Variants in MICALL1 observed in about 807,000 individuals in gnomAD.
MICALL1 encodes MICAL like 1.
A neutral mutation model predicts 83.7 loss-of-function variants in MICALL1; 61 were observed. The observed-to-expected ratio is 0.73, with a 90% CI of 0.59 to 0.90. The LOEUF is 0.90. MICALL1 is among the 40% of genes least tolerant of loss of function. MICALL1 has a pLI of 0.00. For synonymous variants in MICALL1, 481 were observed against 473.6 expected (o/e 1.02, Z -0.20); for missense variants, 1,066 against 1,152.0 (o/e 0.93, Z 1.08).
At position 37,927,805 on chromosome 22, in the gene MICALL1, G is replaced by A. The variant is rs757437220; in HGVS notation, c.1860G>A (p.Ser620=). ...DRSPVPSPGS[S]SPQLQVKSSC... is the part of the protein sequence containing the mutation. ...GCCCGGTGCCTTCCCCTGGAAGCTC[G>A]TCCCCACAGCTGCAGGTAAAGGTGA... is the stretch of plus-strand genomic sequence containing the variant. Residue 620 remains serine, a synonymous_variant, in exon 9 of 16, where the codon TCG becomes TCA. Coordinates refer to ENST00000215957, the MANE Select transcript of MICALL1 (RefSeq NM_033386.4). The A allele has an allele frequency of 7.5e-5, 121 of 1,609,430 alleles. No individual in the cohort carries two copies. In the South Asian group the frequency reaches 9.1e-4, roughly 12 times the overall value.
intron 15 of MICALL1, 53 bp from the exon 16 acceptor site, chr22:37,940,656 T>G: frequency 6.2e-7 from 1 of 1,604,378 alleles, no homozygotes. Context: ...TAGCCTGCCC[T>G]GGATGTACCC....
chr22:37,910,479 C>T (rs1928248246), intron 1 of MICALL1, among the ~76,000 whole-genome samples: 1 of 152,064 alleles, frequency 6.6e-6, no homozygotes, highest in Non-Finnish European at 1.5e-5. Context: ...GACCGGGAGA[C>T]AGAGGTTTCG....
At chr22:37,920,182 G>T (rs749697644) in intron 5 of MICALL1, among the ~76,000 whole-genome samples, 2 of 151,910 alleles carry the variant, frequency 1.3e-5, no homozygotes, top group Non-Finnish European at 2.9e-5. Flanking sequence ...TCCAAGGGAA[G>T]CCAGATTTTA....
chr22:37,936,891 C>CAA (rs1007404284), intron 13 of MICALL1, among the ~76,000 whole-genome samples, 189 bp from the exon 14 acceptor site: 2 of 119,598 alleles, frequency 1.7e-5, no homozygotes, highest in East Asian at 2.4e-4. Context: ...GACTCCGTCT[C>CAA]AAAAAAAAAA....
At chr22:37,937,984 G>C (rs1042935473) in intron 15 of MICALL1, among the ~76,000 whole-genome samples, 192 bp downstream of exon 15, 10 of 152,204 alleles carry the variant, frequency 6.6e-5, no homozygotes, top group Non-Finnish European at 1.0e-4. Flanking sequence ...GAAGGCTGTG[G>C]CTTAGGCTTG....
Position 37,924,736 on chromosome 22 carries a change from G to C in MICALL1, c.1082+19G>C, listed in dbSNP as rs1445494571. On this transcript the variant is annotated intron_variant, in intron 7 of 15. Transcript: ENST00000215957. The surrounding 1 kb of genome is among the most constrained non-coding windows in gnomAD (Gnocchi z 5.2). ...CCGAGGGGTATGTCGATCCCTGAGGGGCTTTCCTGCTTTGGAGGTCCTGGT... is the reference window on the plus strand; with the variant it reads ...CCGAGGGGTATGTCGATCCCTGAGGCGCTTTCCTGCTTTGGAGGTCCTGGT... 3 of 1,610,208 alleles carry C rather than the reference G, an allele frequency of 1.9e-6. No individual in the cohort carries two copies. The highest frequency in any genetic ancestry group is 3.4e-5 in the Admixed American group (2 of 59,578).
chr22:37,939,848 G>GGAGGC (rs1473453340), intron 15 of MICALL1, among the ~76,000 whole-genome samples: 1 of 151,450 alleles, frequency 6.6e-6, no homozygotes, highest in African/African-American at 2.4e-5. Context: ...CAGCACTTTA[G>GGAGGC]GAGGCTGAGG....
chr22:37,916,741 C>T (rs1285617157), intron 3 of MICALL1, among the ~76,000 whole-genome samples: 2 of 152,148 alleles, frequency 1.3e-5, no homozygotes, highest in Non-Finnish European at 2.9e-5. Flanking sequence ...AGCCGAGTGG[C>T]TGTGGGAAAT....
chr22:37,923,490 A>T (rs1467268376), intron 6 of MICALL1, among the ~76,000 whole-genome samples: 1 of 152,212 alleles, frequency 6.6e-6, no homozygotes, highest in African/African-American at 2.4e-5. Flanking sequence ...GGCCTCACAA[A>T]GTGCTGGGAT....
intron 6 of MICALL1, 28 bp downstream of exon 6, chr22:37,922,454 G>A: frequency 3.4e-6 from 5 of 1,461,198 alleles, no homozygotes; most frequent in Non-Finnish European, 3.6e-6. Context: ...AGGGCAGGGG[G>A]CACCGGGTGG....
chr22:37,912,501 G>A lies in MICALL1; in HGVS notation c.337+9G>A, dbSNP rs372432792. 4 of 1,590,332 alleles carry A rather than the reference G, an allele frequency of 2.5e-6. No homozygotes were observed. The highest frequency in any genetic ancestry group is 2.3e-5 in the East Asian group (1 of 44,304). On this transcript the variant is annotated intron_variant, in intron 3 of 15. Transcript: ENST00000215957. Reference sequence around the variant, plus strand: ...CTGCAGTCCTGGCCAAGGTGAGAGGGGGACTCAGCGTTTCACGGAGGCTGG... The same window carrying A: ...CTGCAGTCCTGGCCAAGGTGAGAGGAGGACTCAGCGTTTCACGGAGGCTGG...
At chr22:37,913,424 G>A (rs922059774) in intron 3 of MICALL1, among the ~76,000 whole-genome samples, 3 of 152,182 alleles carry the variant, frequency 2.0e-5, no homozygotes, top group East Asian at 3.8e-4. Flanking sequence ...GCGTTCATCC[G>A]CTGCATGGAG....
intron 5 of MICALL1, among the ~76,000 whole-genome samples, chr22:37,920,717 C>T (rs903334371): frequency 3.3e-5 from 5 of 151,882 alleles, no homozygotes; most frequent in East Asian, 3.9e-4. Flanking sequence ...GTCAGGAGAT[C>T]GAAGCCATCC....
intron 14 of MICALL1, 96 bp downstream of exon 14, chr22:37,937,290 C>T: frequency 9.5e-7 from 1 of 1,057,904 alleles, no homozygotes; most frequent in Non-Finnish European, 1.4e-6. Flanking sequence ...GAGCCAAAGA[C>T]ACAGTCCACG....
rs1929800572 is a variant in MICALL1 at position 37,931,798 on chromosome 22, G to T, written c.1882-1G>T. The T allele has an allele frequency of 6.2e-7, 1 of 1,613,866 alleles. No individual in the cohort carries two copies. The highest frequency in any genetic ancestry group is 1.1e-5 in the South Asian group (1 of 91,072). On this transcript the variant is annotated splice_acceptor_variant, in intron 9 of 15. Coordinates refer to ENST00000215957, the MANE Select transcript of MICALL1 (RefSeq NM_033386.4). LOFTEE classifies it high-confidence loss of function. ...CCTCTGTCATGTCTCCTTCCCTTTA[G>T]TCCTCCTGCAAGGAGAATCCTTTTA...
intron 5 of MICALL1, among the ~76,000 whole-genome samples, chr22:37,920,905 G>A (rs923216832): frequency 2.6e-5 from 4 of 151,562 alleles, no homozygotes; most frequent in Non-Finnish European, 4.4e-5. Flanking sequence ...CGGCCTGGGC[G>A]ACAGACTGAG....
chr22:37,917,544 C>T (rs1039334729), intron 3 of MICALL1, among the ~76,000 whole-genome samples, 163 bp from the exon 4 acceptor site: 3 of 152,044 alleles, frequency 2.0e-5, no homozygotes, highest in Non-Finnish European at 2.9e-5. Context: ...AAACTGGAAG[C>T]GTCCCCGGGC....
At chr22:37,934,844 C>T (rs1320694699) in intron 13 of MICALL1, among the ~76,000 whole-genome samples, 1 of 150,804 alleles carries the variant, frequency 6.6e-6, no homozygotes, top group African/African-American at 2.4e-5. Flanking sequence ...GATCCACCCA[C>T]CTTAGCCTCC....
At position 37,906,530 on chromosome 22, in the gene MICALL1, C is replaced by T. The variant is rs1927952511; in HGVS notation, c.108C>T (p.Ala36=). The change falls in exon 1 of 16, where the codon GCC becomes GCT. Residue 36 remains alanine (A), a synonymous_variant. Transcript: ENST00000215957. This position sits in a 1 kb window ranked among gnomAD's most constrained non-coding sequence, Gnocchi z 4.4. ...DLSSSFRDGL[A]FCAILHRHRP... is the part of the protein sequence containing the mutation. The stretch of plus-strand genomic sequence containing the variant: ...GCAGCTCCTTCCGGGACGGCCTGGC[C>T]TTCTGCGCCATCCTGCACCGGCACC... 8.1e-7 allele frequency: 1 copy of T among 1,229,844 alleles called. No individual in the cohort carries two copies. The allele number at this position is 1,229,844 out of a possible 1,614,324, so 76.2% of individuals were successfully genotyped here. A position where few individuals can be genotyped will look rare whatever the true frequency, so the allele number is the denominator to read the frequency against.
Sources: allele counts gnomAD v4.1 joint callset (sites outside exome capture counted in the v4.1 genomes callset), GRCh38; gene constraint gnomAD v4.1.1; non-coding constraint Gnocchi (gnomAD v3.1); transcripts MANE v1.5; gene names NCBI Gene and HGNC (gene_info 2026-07-23, HGNC 2026-07-21).